The following SIDT2 variants were observed in gnomAD, a reference collection of about 807,000 sequenced individuals.
The protein encoded by SIDT2 is SID1 transmembrane family member 2.
In SIDT2, 68 loss-of-function variants were observed where a neutral mutation model predicts 114.4. The observed-to-expected ratio is 0.59, with a 90% confidence interval of 0.49 to 0.73. The LOEUF (loss-of-function observed/expected upper bound fraction) is 0.73, where lower values mean the gene tolerates loss of function less well. Ranked by LOEUF, SIDT2 falls within the 30% of genes least tolerant of loss-of-function variation. The probability of loss-of-function intolerance (pLI) is 0.00; values close to 1 mark genes in which losing one functional copy is unlikely to be tolerated. For missense variants in SIDT2, 918 were observed against 1,097.1 expected (o/e 0.84, Z 2.31); for synonymous variants, 470 against 438.4 (o/e 1.07, Z -0.90).
chr11:117,188,765 A>G lies in SIDT2; in HGVS notation c.1217A>G (p.Glu406Gly), dbSNP rs1272434867. Reference sequence around the variant, plus strand: ...CGAGTGGACTCCATGAGCTCTGTGGAGGAGGATGACTACGACACATTGACC... The same window carrying G: ...CGAGTGGACTCCATGAGCTCTGTGGGGGAGGATGACTACGACACATTGACC... The part of the protein sequence containing the change: ...RPRVDSMSSV[E>G]EDDYDTLTDI... The change falls in exon 13 of 26, where the codon GAG becomes GGG. Residue 406 changes from glutamate to glycine, a missense_variant. By Grantham distance (98) the Glu-to-Gly change is moderately conservative. This residue lies in a region of SIDT2 where 553 missense variants were observed against 600.1 expected (regional missense o/e 0.92). Transcript: ENST00000324225. This position sits in a 1 kb window ranked among gnomAD's most constrained non-coding sequence, Gnocchi z 4.0. The G allele has an allele frequency of 1.2e-6, 2 of 1,614,008 alleles. No individual in the cohort carries two copies. Among genetic ancestry groups the G allele is most frequent in the Non-Finnish European group, 1.7e-6 (2 of 1,180,002 alleles).
At chr11:117,189,742 G>A in intron 15 of SIDT2, 1 of 610,240 alleles carries the variant, frequency 1.6e-6, no homozygotes, top group Non-Finnish European at 2.9e-6. Context: ...CATGCCTCAG[G>A]GTTTTCAGCC....
chr11:117,182,463 G>A, intron 4 of SIDT2, 56 bp from the exon 5 acceptor site: 1 of 1,491,786 alleles, frequency 6.7e-7, no homozygotes, highest in Admixed American at 1.7e-5. Flanking sequence ...CCTTCTAGAG[G>A]GGCCAAGAGA....
At position 117,187,639 on chromosome 11, in the gene SIDT2, G is replaced by GGAT. The variant is rs777016635; in HGVS notation, c.1100_1102dup (p.Gly367_Ser368insTer). The GGAT allele has an allele frequency of 6.2e-7, 1 of 1,614,132 alleles. No individual in the cohort carries two copies. The highest frequency in any genetic ancestry group is 1.1e-5 in the South Asian group (1 of 91,074). ...ATCGTTCCCCACAGAGAATGTTTCT[G>GGAT]GATCTACCGATGGTCTGGTTGACAG... On this transcript the variant is annotated stop_gained and inframe_insertion, in exon 12 of 26. Transcript: ENST00000324225. LOFTEE classifies it high-confidence loss of function.
At chr11:117,194,741 G>A (rs1216910192) in intron 24 of SIDT2, among the ~76,000 whole-genome samples, 1 of 152,170 alleles carries the variant, frequency 6.6e-6, no homozygotes, top group Non-Finnish European at 1.5e-5. Context: ...TCCGAGTTAG[G>A]AGTCCAGGAA....
chr11:117,185,616 G>T (rs887806534), intron 8 of SIDT2, among the ~76,000 whole-genome samples: 3 of 152,236 alleles, frequency 2.0e-5, no homozygotes, highest in Non-Finnish European at 2.9e-5. Context: ...GGTGGCTCAC[G>T]CCTATAATCC....
In SIDT2 at chr11:117,182,062, C is replaced by A; in HGVS notation, c.473C>A (p.Thr158Asn). The change falls in exon 4 of 26, where the codon ACT becomes AAT. Residue 158 changes from threonine to asparagine, a missense_variant and splice_region_variant. Physicochemically the swap from Thr to Asn is moderately conservative, Grantham distance 65. This residue lies in a region of SIDT2 where 553 missense variants were observed against 600.1 expected (regional missense o/e 0.92). Coordinates refer to ENST00000324225, the MANE Select transcript of SIDT2 (RefSeq NM_001040455.2). ...VSRMDDFVLR[T>N]GEQFSFNTTA... ...GGGGGCTCTTCTCTGCCCTGCAGGA[C>A]TGGGGAGCAGTTCAGCTTCAATACC... 6.2e-7 allele frequency: 1 copy of A among 1,614,124 alleles called. No homozygotes were observed. Among genetic ancestry groups the A allele is most frequent in the Non-Finnish European group, 8.5e-7 (1 of 1,180,020 alleles).
Position 117,195,922 on chromosome 11 carries a change from G to A in SIDT2, c.2436+7G>A, listed in dbSNP as rs779820035. 12 of 1,614,058 alleles carry A rather than the reference G, an allele frequency of 7.4e-6. No homozygotes were observed. The highest frequency in any genetic ancestry group is 5.0e-5 in the Admixed American group (3 of 60,012). On this transcript the variant is annotated splice_region_variant and intron_variant, in intron 25 of 25. Transcript: ENST00000324225. ...CATGTTCGGGTCCTTCCTGGTAAGC[G>A]GGCCTCCCGGCCGAGCCGGGTGGGT... is the stretch of plus-strand genomic sequence containing the variant.
At position 117,181,429 on chromosome 11, in the gene SIDT2, G is replaced by T. The variant is rs1372289694; in HGVS notation, c.197G>T (p.Arg66Leu). Residue 66 changes from arginine (R) to leucine (L), a missense_variant, in exon 2 of 26, where the codon CGT becomes CTT. Physicochemically the swap from Arg to Leu is moderately radical, Grantham distance 102 (BLOSUM62 -2). This residue lies in a region of SIDT2 where 553 missense variants were observed against 600.1 expected (regional missense o/e 0.92). Transcript: ENST00000324225. ...TVTRNRTEGV[R>L]VSVNVLNKQK... is the part of the protein sequence containing the mutation. ...GTCGTTCTGCAGACAGAGGGCGTGCGTGTGTCTGTGAACGTCCTGAACAAG... is the reference window on the plus strand; with the variant it reads ...GTCGTTCTGCAGACAGAGGGCGTGCTTGTGTCTGTGAACGTCCTGAACAAG... 2 of 1,613,434 alleles carry T rather than the reference G, an allele frequency of 1.2e-6. No homozygotes were observed. Among genetic ancestry groups the T allele is most frequent in the Non-Finnish European group, 1.7e-6 (2 of 1,179,942 alleles).
Position 117,189,346 on chromosome 11 carries a change from C to A in SIDT2, c.1364C>A (p.Thr455Asn). The change falls in exon 15 of 26, where the codon ACC becomes AAC. Residue 455 changes from threonine to asparagine, a missense_variant. Thr to Asn is a moderately conservative substitution (Grantham distance 65). Coordinates refer to ENST00000324225, the MANE Select transcript of SIDT2 (RefSeq NM_001040455.2). Reference sequence around the variant, plus strand: ...CTCCTGCTCCGCAGGAACATTGCCACCATTGCTGTCTTCTATGCCCTTCCT... The same window carrying A: ...CTCCTGCTCCGCAGGAACATTGCCAACATTGCTGTCTTCTATGCCCTTCCT... ...KYQIYFWNIATIAVFYALPVV... is the reference protein window; with the variant it reads ...KYQIYFWNIANIAVFYALPVV... 1 of 1,614,232 alleles carries A rather than the reference C, an allele frequency of 6.2e-7. No individual in the cohort carries two copies. The highest frequency in any genetic ancestry group is 8.5e-7 in the Non-Finnish European group (1 of 1,180,028).
chr11:117,195,954 A>T, intron 25 of SIDT2, 39 bp downstream of exon 25: 1 of 1,614,190 alleles, frequency 6.2e-7, no homozygotes, highest in Non-Finnish European at 8.5e-7. Flanking sequence ...GGGTACGTGA[A>T]GGTAGCAGCT....
rs1565285284 is a variant in SIDT2, at chr11:117,184,107, C to T, written c.836C>T (p.Thr279Ile). Reference protein sequence around the residue: ...EPVDQGHRQKTLSVLVSQAVT... With the variant: ...EPVDQGHRQKILSVLVSQAVT... ...GTCGATCAAGGGCACCGCCAGAAAACCCTGTCAGTGCTGGTGTCTCAAGCA... is the reference window on the plus strand; with the variant it reads ...GTCGATCAAGGGCACCGCCAGAAAATCCTGTCAGTGCTGGTGTCTCAAGCA... Residue 279 changes from threonine (T) to isoleucine (I), a missense_variant, in exon 8 of 26, where the codon ACC (threonine) becomes ATC (isoleucine). Thr to Ile is a moderately conservative substitution (Grantham distance 89, BLOSUM62 -1). Coordinates refer to ENST00000324225, the MANE Select transcript of SIDT2 (RefSeq NM_001040455.2). 3 of 1,614,186 alleles carry T rather than the reference C, an allele frequency of 1.9e-6. No individual in the cohort carries two copies. Among genetic ancestry groups the T allele is most frequent in the Admixed American group, 1.7e-5 (1 of 60,022 alleles).
intron 13 of SIDT2, 70 bp from the exon 14 acceptor site, chr11:117,189,099 C>T (rs2030607549): frequency 2.0e-6 from 3 of 1,509,896 alleles, no homozygotes; most frequent in South Asian, 2.2e-5. Flanking sequence ...CCCTCTTGTC[C>T]ACCTCTAACC....
intron 23 of SIDT2, 113 bp from the exon 24 acceptor site, chr11:117,193,740 T>C (rs1274880716): frequency 1.4e-6 from 1 of 727,812 alleles, no homozygotes; most frequent in Non-Finnish European, 2.4e-6. Context: ...CAAGGAGCAG[T>C]CCTGAAGGCC....
At chr11:117,193,019 T>C in intron 22 of SIDT2, 134 bp from the exon 23 acceptor site, 2 of 1,317,822 alleles carry the variant, frequency 1.5e-6, no homozygotes, top group Non-Finnish European at 2.2e-6. Flanking sequence ...TCTCTTGGCA[T>C]CTGGGCTTCT....
At chr11:117,184,987 A>T (rs2030436639) in intron 8 of SIDT2, among the ~76,000 whole-genome samples, 2 of 151,572 alleles carry the variant, frequency 1.3e-5, no homozygotes, top group Admixed American at 6.6e-5. Flanking sequence ...TTGGCCTCCC[A>T]GAGTGTGGGA....
At chr11:117,185,609 G>A (rs1565285819) in intron 8 of SIDT2, among the ~76,000 whole-genome samples, 1 of 152,106 alleles carries the variant, frequency 6.6e-6, no homozygotes, top group Non-Finnish European at 1.5e-5. Flanking sequence ...CAGGCACGGT[G>A]GCTCACGCCT....
Position 117,195,934 on chromosome 11 carries a change from C to A in SIDT2, c.2436+19C>A. ...CTTCCTGGTAAGCGGGCCTCCCGGC[C>A]GAGCCGGGTGGGTACGTGAAGGTAG... On this transcript the variant is annotated intron_variant, in intron 25 of 25. Coordinates refer to ENST00000324225, the MANE Select transcript of SIDT2 (RefSeq NM_001040455.2). 6.2e-7 allele frequency: 1 copy of A among 1,614,164 alleles called. No individual in the cohort carries two copies. Among genetic ancestry groups the A allele is most frequent in the Non-Finnish European group, 8.5e-7 (1 of 1,180,034 alleles).
Position 117,195,835 on chromosome 11 carries a change from G to A in SIDT2, c.2356G>A (p.Asp786Asn), listed in dbSNP as rs148687817. The A allele has an allele frequency of 8.7e-5, 141 of 1,614,204 alleles. No homozygotes were observed. The highest frequency in any genetic ancestry group is 1.1e-4 in the Non-Finnish European group (130 of 1,180,040). Reference protein sequence around the residue: ...TPAESREHNRDCILLDFFDDH... With the variant: ...TPAESREHNRNCILLDFFDDH... ...TGCAGAGTCGAGGGAGCACAACCGGGACTGCATCCTCCTCGACTTCTTTGA... is the reference window on the plus strand; with the variant it reads ...TGCAGAGTCGAGGGAGCACAACCGGAACTGCATCCTCCTCGACTTCTTTGA... Residue 786 changes from aspartate to asparagine, a missense_variant, in exon 25 of 26, where the codon GAC becomes AAC. Asp to Asn is a conservative substitution (Grantham distance 23, BLOSUM62 1). Transcript: ENST00000324225.
intron 1 of SIDT2, among the ~76,000 whole-genome samples, chr11:117,180,246 A>G (rs976299134): frequency 1.6e-4 from 25 of 152,234 alleles, no homozygotes; most frequent in African/African-American, 4.3e-4. Flanking sequence ...ATTTTTTTTC[A>G]GAACGGGGAG....
Sources: allele counts gnomAD v4.1 joint callset (sites outside exome capture counted in the v4.1 genomes callset), GRCh38; gene constraint gnomAD v4.1.1; regional missense constraint gnomAD v4.1.1; non-coding constraint Gnocchi (gnomAD v3.1); transcripts MANE v1.5; gene names NCBI Gene and HGNC (gene_info 2026-07-23, HGNC 2026-07-21).